The following HYCC1 variants were observed in gnomAD, a reference collection of about 807,000 sequenced individuals.
HYCC1 encodes the protein hyccin.
At chr7:22,963,198 T>C in the HYCC1 span, among the ~76,000 whole-genome samples, 1 of 152,226 alleles carries the variant, frequency 6.6e-6, no homozygotes, top group East Asian at 1.9e-4. Flanking sequence ...CAAGACCAAC[T>C]CTGTCAAGAG....
At chr7:22,984,180 G>A in the HYCC1 span, 2 of 628,238 alleles carry the variant, frequency 3.2e-6, no homozygotes, top group Middle Eastern at 4.2e-4. Flanking sequence ...TAACAGGTAT[G>A]AAGTTTCTTT....
At chr7:22,925,673 G>A in the HYCC1 span, among the ~76,000 whole-genome samples, 1 of 152,140 alleles carries the variant, frequency 6.6e-6, no homozygotes, top group Admixed American at 6.6e-5. Flanking sequence ...CAAGAAATAC[G>A]GGACTATGTG....
At chr7:22,954,173 C>A in the HYCC1 span, among the ~76,000 whole-genome samples, 1 of 151,136 alleles carries the variant, frequency 6.6e-6, no homozygotes, top group East Asian at 1.9e-4. Flanking sequence ...AGATTTATTA[C>A]CATTTACCTT....
chr7:23,004,972 A>C, the HYCC1 span, among the ~76,000 whole-genome samples: 1 of 151,958 alleles, frequency 6.6e-6, no homozygotes, highest in Admixed American at 6.6e-5. Flanking sequence ...TGCCCGGCTA[A>C]TTTTTTGTAT....
chr7:22,955,610 A>G, the HYCC1 span, among the ~76,000 whole-genome samples: 1 of 151,720 alleles, frequency 6.6e-6, no homozygotes, highest in Non-Finnish European at 1.5e-5. Flanking sequence ...ACATTGTTCC[A>G]AGTATGGATA....
At chr7:22,976,088 A>G in the HYCC1 span, 2 of 713,366 alleles carry the variant, frequency 2.8e-6, no homozygotes, top group Admixed American at 4.4e-5. Flanking sequence ...TGAGCTTTAC[A>G]TTAACTTATT....
chr7:22,927,392 A>T, the HYCC1 span, among the ~76,000 whole-genome samples: 2 of 152,226 alleles, frequency 1.3e-5, no homozygotes, highest in African/African-American at 4.8e-5. Context: ...CAATGAATCC[A>T]GGAGCTGGTT....
At chr7:22,913,499 A>C in the HYCC1 span, among the ~76,000 whole-genome samples, 1 of 152,190 alleles carries the variant, frequency 6.6e-6, no homozygotes, top group Non-Finnish European at 1.5e-5. Flanking sequence ...GCGTGTATAC[A>C]TCCAGATGGC....
At chr7:22,931,268 A>C in the HYCC1 span, among the ~76,000 whole-genome samples, 5 of 151,394 alleles carry the variant, frequency 3.3e-5, no homozygotes, top group Non-Finnish European at 7.4e-5. Flanking sequence ...AAAAAAAAAA[A>C]AAAAACCAGC....
At chr7:22,930,893 G>A in the HYCC1 span, among the ~76,000 whole-genome samples, 2 of 151,938 alleles carry the variant, frequency 1.3e-5, no homozygotes, top group South Asian at 2.1e-4. Context: ...CTACATGTTC[G>A]TCTCAATACT....
the HYCC1 span, among the ~76,000 whole-genome samples, chr7:23,007,533 G>C: frequency 1.3e-5 from 2 of 152,056 alleles, no homozygotes; most frequent in Non-Finnish European, 2.9e-5. Context: ...CATTTTTAGA[G>C]CCAATCTATT....
the HYCC1 span, among the ~76,000 whole-genome samples, chr7:22,981,494 T>C: frequency 6.6e-6 from 1 of 152,216 alleles, no homozygotes; most frequent in African/African-American, 2.4e-5. Context: ...TGTTATATTT[T>C]AGAAGCACTT....
chr7:22,943,523 G>T, the HYCC1 span: 4 of 152,102 alleles, frequency 2.6e-5, no homozygotes, highest in Non-Finnish European at 5.9e-5. Context: ...TCTAAATGAG[G>T]TTCCATTACA....
At chr7:23,013,860 C>CA in the HYCC1 span, 39 of 449,598 alleles carry the variant, frequency 8.7e-5, no homozygotes, top group African/African-American at 4.0e-4. Flanking sequence ...TCCTCCCTGA[C>CA]AAAAAAAAGT....
chr7:22,977,253 C>G, the HYCC1 span: 1 of 841,316 alleles, frequency 1.2e-6, no homozygotes, highest in South Asian at 1.4e-5. Context: ...ATAAATTGAT[C>G]AATTTTTTTC....
chr7:22,933,248 G>A, the HYCC1 span, among the ~76,000 whole-genome samples: 1 of 152,124 alleles, frequency 6.6e-6, no homozygotes, highest in Non-Finnish European at 1.5e-5. Context: ...CCTAGGTATT[G>A]TATCCATTAC....
chr7:22,981,042 T>C, the HYCC1 span, among the ~76,000 whole-genome samples: 1 of 152,198 alleles, frequency 6.6e-6, no homozygotes, highest in African/African-American at 2.4e-5. Context: ...CGTTTGGATC[T>C]TGATTCAATC....
chr7:22,928,826 G>GAA, the HYCC1 span, among the ~76,000 whole-genome samples: 1 of 149,998 alleles, frequency 6.7e-6, no homozygotes, highest in African/African-American at 2.5e-5. Flanking sequence ...CACAGAACTG[G>GAA]AAAAAAAAAA....
the HYCC1 span, chr7:22,936,505 C>T: frequency 6.6e-6 from 1 of 152,232 alleles, no homozygotes; most frequent in Non-Finnish European, 1.5e-5. Context: ...TTTAGCACCT[C>T]CTTCACCACA....
Sources: allele counts gnomAD v4.1 joint callset (sites outside exome capture counted in the v4.1 genomes callset), GRCh38; gene constraint gnomAD v4.1.1; transcripts MANE v1.5; gene names NCBI Gene and HGNC (gene_info 2026-07-23, HGNC 2026-07-21).